FGF14: variants seen among roughly 807,000 people sequenced by gnomAD.
FGF14 encodes the protein fibroblast growth factor homologous factor 4.
Under a neutral mutation model 25.5 loss-of-function variants are expected in FGF14, and 5 were observed. That is an observed-to-expected ratio of 0.20 (90% CI 0.10 to 0.41). The LOEUF (loss-of-function observed/expected upper bound fraction) is 0.41. Ranked by LOEUF, FGF14 falls within the 10% of genes least tolerant of loss-of-function variation. The pLI, the probability that FGF14 is intolerant of heterozygous loss-of-function variation, is 1.00. For synonymous variants in FGF14, 138 were observed against 118.3 expected, an observed-to-expected ratio of 1.17 and a Z score of -1.08; for missense variants, 222 against 320.1, an observed-to-expected ratio of 0.69 and a Z score of 2.34.
At chr13:102,197,703 G>A (rs367856378) in intron 1 of FGF14, among the ~76,000 whole-genome samples, 72 of 151,548 alleles carry the variant, frequency 4.8e-4, no homozygotes, top group Middle Eastern at 6.8e-3. Flanking sequence ...ATATACATAC[G>A]TAGCATAACA....
At chr13:102,034,749 G>T (rs1275554564) in intron 1 of FGF14, among the ~76,000 whole-genome samples, 7 of 152,078 alleles carry the variant, frequency 4.6e-5, no homozygotes, top group Non-Finnish European at 7.4e-5. Flanking sequence ...CCCTCACAGG[G>T]ATGTTGGTGG....
chr13:102,211,400 C>A (rs1390850035), intron 1 of FGF14, among the ~76,000 whole-genome samples: 1 of 152,092 alleles, frequency 6.6e-6, no homozygotes, highest in Non-Finnish European at 1.5e-5. Context: ...TTTGCTTACT[C>A]CCCTCATCTT....
chr13:102,256,217 G>C (rs182522419), intron 1 of FGF14, among the ~76,000 whole-genome samples: 24 of 152,150 alleles, frequency 1.6e-4, no homozygotes, highest in Admixed American at 1.6e-3. Flanking sequence ...TCTTTCAAAA[G>C]TAGCTAACAT....
chr13:102,191,260 T>G (rs1459560270), intron 1 of FGF14, among the ~76,000 whole-genome samples: 2 of 152,174 alleles, frequency 1.3e-5, no homozygotes. Flanking sequence ...AAACCTTACA[T>G]GGAAAATGTG....
intron 1 of FGF14, among the ~76,000 whole-genome samples, chr13:102,074,098 A>G (rs186627854): frequency 6.6e-6 from 1 of 152,130 alleles, no homozygotes; most frequent in African/African-American, 2.4e-5. Flanking sequence ...TGCAGCTTCA[A>G]CCTCCTGGGC....
intron 1 of FGF14, among the ~76,000 whole-genome samples, chr13:102,102,744 T>C (rs544209167): frequency 8.1e-4 from 123 of 152,362 alleles, no homozygotes; most frequent in African/African-American, 2.8e-3. Flanking sequence ...TCTAACCTTC[T>C]GTGTAACTAA....
At chr13:102,392,851 A>C (rs2058465755) in intron 1 of FGF14, among the ~76,000 whole-genome samples, 1 of 152,054 alleles carries the variant, frequency 6.6e-6, no homozygotes, top group Non-Finnish European at 1.5e-5. Flanking sequence ...TTCCACCTTC[A>C]ACCTTGCCCA....
chr13:101,761,663 G>C (rs188768991), intron 3 of FGF14, among the ~76,000 whole-genome samples: 4 of 152,336 alleles, frequency 2.6e-5, no homozygotes, highest in Admixed American at 2.6e-4. Flanking sequence ...AAATGTTAGA[G>C]ATGATGGCTA....
chr13:101,975,462 A>C, intron 1 of FGF14, among the ~76,000 whole-genome samples: 1 of 151,978 alleles, frequency 6.6e-6, no homozygotes. Flanking sequence ...TGTTCTCATC[A>C]ACTCTCAAAA....
chr13:102,026,012 T>C (rs1321603975), intron 1 of FGF14, among the ~76,000 whole-genome samples: 1 of 152,022 alleles, frequency 6.6e-6, no homozygotes, highest in African/African-American at 2.4e-5. Flanking sequence ...AGAGCAGACA[T>C]TTTTGTCTTA....
intron 3 of FGF14, among the ~76,000 whole-genome samples, chr13:101,820,401 A>G (rs2042054901): frequency 6.6e-6 from 1 of 152,232 alleles, no homozygotes; most frequent in Non-Finnish European, 1.5e-5. Flanking sequence ...GGCTGATAAC[A>G]AAATTAAAAT....
At chr13:102,211,714 T>A (rs2050168628) in intron 1 of FGF14, among the ~76,000 whole-genome samples, 2 of 152,182 alleles carry the variant, frequency 1.3e-5, no homozygotes, top group Admixed American at 1.3e-4. Context: ...TCAATGAAAT[T>A]TGGTTGCTCT....
At chr13:101,724,046 CA>C (rs1055317049) in intron 4 of FGF14, among the ~76,000 whole-genome samples, 2 of 151,970 alleles carry the variant, frequency 1.3e-5, no homozygotes, top group African/African-American at 4.8e-5. Context: ...CTTGAAAGTG[CA>C]AATGTACATA....
At chr13:101,841,577 C>T (rs1173267298) in intron 3 of FGF14, among the ~76,000 whole-genome samples, 1 of 151,980 alleles carries the variant, frequency 6.6e-6, no homozygotes, top group Non-Finnish European at 1.5e-5. Flanking sequence ...TCTCAGAAGT[C>T]ATAAAACCTA....
At chr13:101,860,292 C>A (rs966864101) in intron 3 of FGF14, among the ~76,000 whole-genome samples, 4 of 151,958 alleles carry the variant, frequency 2.6e-5, no homozygotes, top group African/African-American at 7.2e-5. Flanking sequence ...CCTTTTCTTC[C>A]CACAGACTAA....
intron 1 of FGF14, among the ~76,000 whole-genome samples, chr13:102,205,716 C>T (rs1594402471): frequency 6.7e-6 from 1 of 149,394 alleles, no homozygotes; most frequent in Non-Finnish European, 1.5e-5. Context: ...TGCCATCTCT[C>T]CCCCGAGAAA....
intron 3 of FGF14, among the ~76,000 whole-genome samples, chr13:101,862,493 A>T (rs1243660669): frequency 6.6e-6 from 1 of 152,158 alleles, no homozygotes; most frequent in Admixed American, 6.6e-5. Context: ...AACCTAACAA[A>T]TAAAAAAATT....
chr13:101,898,303 C>T (rs181222352), intron 1 of FGF14, among the ~76,000 whole-genome samples: 1 of 150,598 alleles, frequency 6.6e-6, no homozygotes, highest in East Asian at 2.0e-4. Flanking sequence ...GCATTTCACA[C>T]AAGAGATACT....
rs372311002 is a variant in FGF14, at chr13:101,722,963, G to A, written c.612C>T (p.Ala204=). ...CATGCAAAGATGGTTCTCGGTACAT[G>A]GCAACTAGTGATGGGAAGAAAGGAG... The part of the protein sequence containing the change: ...AHFLPKPLEV[A]MYREPSLHDV... The change falls in exon 5 of 5, where the codon GCC becomes GCT. Residue 204 remains alanine, a synonymous_variant. Coordinates refer to ENST00000376143, the MANE Select transcript of FGF14 (RefSeq NM_004115.4). The A allele has an allele frequency of 1.2e-6, 2 of 1,613,106 alleles. No individual in the cohort carries two copies. Among genetic ancestry groups the A allele is most frequent in the Admixed American group, 1.7e-5 (1 of 59,876 alleles).
Sources: gnomAD v4.1 joint callset for allele counts (sites outside exome capture counted in the v4.1 genomes callset) on GRCh38, gnomAD v4.1.1 for gene constraint, MANE v1.5 for transcripts, NCBI Gene and HGNC (gene_info 2026-07-23, HGNC 2026-07-21) for gene names.